Variants in GPHN observed in about 807,000 individuals in gnomAD.
The protein encoded by GPHN is gephyrin.
In GPHN, 17 loss-of-function variants were observed where a neutral mutation model predicts 95.5. The observed-to-expected ratio is 0.18, with a 90% CI of 0.12 to 0.27. The LOEUF (loss-of-function observed/expected upper bound fraction) is 0.27. Ranked by LOEUF, GPHN falls within the 10% of genes least tolerant of loss-of-function variation. The pLI, the probability that GPHN is intolerant of heterozygous loss-of-function variation, is 1.00. For synonymous variants in GPHN, 320 were observed against 322.5 expected, an observed-to-expected ratio of 0.99 and a Z score of 0.08; for missense variants, 660 against 978.1, an observed-to-expected ratio of 0.67 and a Z score of 4.34.
chr14:66,699,900 C>T (rs1477520631), intron 2 of GPHN, among the ~76,000 whole-genome samples: 2 of 152,016 alleles, frequency 1.3e-5, no homozygotes, highest in South Asian at 2.1e-4. Context: ...GAAGCTATGC[C>T]GAAGGATGTT....
chr14:67,014,111 AT>A (rs372494514), intron 9 of GPHN, among the ~76,000 whole-genome samples: 5 of 152,218 alleles, frequency 3.3e-5, no homozygotes, highest in African/African-American at 1.2e-4. Context: ...ACAAAAAAAA[AT>A]CAGCATTTCT....
chr14:66,926,248 T>C (rs2066477371), intron 8 of GPHN, among the ~76,000 whole-genome samples: 1 of 152,196 alleles, frequency 6.6e-6, no homozygotes, highest in Non-Finnish European at 1.5e-5. Context: ...TAACTTGATA[T>C]GATCCCATTT....
At chr14:67,294,525 T>A in the GPHN span, 1 of 152,156 alleles carries the variant, frequency 6.6e-6, no homozygotes, top group East Asian at 1.9e-4. Context: ...AGAAGTATTC[T>A]TTGTTTACAT....
chr14:66,612,227 T>C (rs149254027), intron 1 of GPHN, among the ~76,000 whole-genome samples: 1 of 152,146 alleles, frequency 6.6e-6, no homozygotes, highest in African/African-American at 2.4e-5. Flanking sequence ...TGTTTTTCTT[T>C]GCTTTTATTA....
chr14:67,585,492 T>G, the GPHN span: 1 of 1,004,058 alleles, frequency 1.0e-6, no homozygotes, highest in East Asian at 2.6e-5. Flanking sequence ...TGGATGTGCC[T>G]TCTTTCTCAG....
chr14:66,922,744 G>T lies in GPHN; in HGVS notation c.535G>T (p.Val179Leu). ...LRDAIVKVKE[V>L]HDELEDLPSP... is the part of the protein sequence containing the mutation. ...TGATGCCATTGTAAAAGTAAAGGAG[G>T]TGCATGATGAACTTGAAGATTTGCC... is the stretch of plus-strand genomic sequence containing the variant. Residue 179 changes from valine (V) to leucine (L), a missense_variant, in exon 7 of 23, where the codon GTG becomes TTG. Transcript: ENST00000478722. The T allele has an allele frequency of 1.9e-6, 3 of 1,613,532 alleles. No individual in the cohort carries two copies. The highest frequency in any genetic ancestry group is 2.5e-6 in the Non-Finnish European group (3 of 1,179,506).
intron 10 of GPHN, among the ~76,000 whole-genome samples, chr14:67,032,107 G>A (rs1016471601): frequency 1.3e-5 from 2 of 152,190 alleles, no homozygotes; most frequent in Non-Finnish European, 2.9e-5. Context: ...TACTTTACCT[G>A]TGATAGTCCC....
At chr14:66,564,495 G>A (rs985703674) in intron 1 of GPHN, among the ~76,000 whole-genome samples, 4 of 152,082 alleles carry the variant, frequency 2.6e-5, no homozygotes, top group African/African-American at 9.7e-5. Context: ...TGCTAATATA[G>A]TCATCCCTTT....
the GPHN span, among the ~76,000 whole-genome samples, chr14:67,642,968 C>T: frequency 6.6e-6 from 1 of 151,736 alleles, no homozygotes; most frequent in African/African-American, 2.4e-5. Flanking sequence ...ATGCCTGGCT[C>T]ATTTTTGTAT....
intron 3 of GPHN, among the ~76,000 whole-genome samples, chr14:66,796,734 G>C: frequency 6.6e-6 from 1 of 151,970 alleles, no homozygotes; most frequent in East Asian, 1.9e-4. Flanking sequence ...TCCCTTGTCC[G>C]ATGGGTAGCT....
chr14:67,680,641 T>C, the GPHN span, among the ~76,000 whole-genome samples: 1 of 152,154 alleles, frequency 6.6e-6, no homozygotes, highest in African/African-American at 2.4e-5. Context: ...GCATTTTTTA[T>C]AGAGATGGGG....
At chr14:66,543,457 G>A (rs996912188) in intron 1 of GPHN, among the ~76,000 whole-genome samples, 4 of 151,906 alleles carry the variant, frequency 2.6e-5, no homozygotes, top group East Asian at 1.9e-4. Flanking sequence ...CTTGATGATC[G>A]TGACTGTAAA....
chr14:67,172,627 G>T (rs556531880), intron 21 of GPHN, among the ~76,000 whole-genome samples: 1 of 152,270 alleles, frequency 6.6e-6, no homozygotes, highest in East Asian at 1.9e-4. Context: ...GCTGAGCTGA[G>T]ACACCTCATC....
intron 17 of GPHN, among the ~76,000 whole-genome samples, chr14:67,136,271 AAG>A (rs1347043617): frequency 6.6e-6 from 1 of 152,188 alleles, no homozygotes; most frequent in Non-Finnish European, 1.5e-5. Flanking sequence ...TACAGTGGGA[AAG>A]AGGATCATGA....
intron 17 of GPHN, among the ~76,000 whole-genome samples, chr14:67,131,318 C>T (rs1193841633): frequency 6.6e-6 from 1 of 151,290 alleles, no homozygotes; most frequent in Non-Finnish European, 1.5e-5. Flanking sequence ...GGGTTGTTTT[C>T]TTTCCCACCA....
chr14:67,593,346 C>A, the GPHN span: 2 of 215,196 alleles, frequency 9.3e-6, no homozygotes, highest in Admixed American at 5.3e-5. Context: ...AAAAAACGAG[C>A]CAAGCATGGT....
the GPHN span, among the ~76,000 whole-genome samples, chr14:67,399,676 G>A: frequency 1.0e-3 from 139 of 137,948 alleles, no homozygotes; most frequent in African/African-American, 3.6e-3. Flanking sequence ...AGAGAAGGGT[G>A]GTTTAGGTGG....
the GPHN span, among the ~76,000 whole-genome samples, chr14:67,264,909 A>G: frequency 1.3e-5 from 2 of 152,196 alleles, no homozygotes; most frequent in African/African-American, 4.8e-5. Flanking sequence ...CCTTATTGAT[A>G]TCCAACAGAA....
chr14:66,686,172 A>G (rs1328828796), intron 2 of GPHN, among the ~76,000 whole-genome samples: 1 of 152,182 alleles, frequency 6.6e-6, no homozygotes, highest in African/African-American at 2.4e-5. Flanking sequence ...GTTTGAAGTC[A>G]GGTAGCATGA....
Sources: allele counts gnomAD v4.1 joint callset (sites outside exome capture counted in the v4.1 genomes callset), GRCh38; gene constraint gnomAD v4.1.1; transcripts MANE v1.5; gene names NCBI Gene and HGNC (gene_info 2026-07-23, HGNC 2026-07-21).